Variants in LINGO2 observed in about 807,000 individuals in gnomAD.
The protein encoded by LINGO2 is leucine rich repeat and Ig domain containing 2, also known as leucine-rich repeat and immunoglobulin-like domain-containing nogo receptor-interacting protein 2.
In LINGO2, 14 loss-of-function variants were observed where a neutral mutation model predicts 30.6. The ratio of observed to expected loss-of-function variants is 0.46; its 90% CI spans 0.30 to 0.72. The LOEUF is 0.72. Among genes scored for constraint, LINGO2 ranks in the 30% least tolerant of loss-of-function variants. The pLI, the probability that LINGO2 is intolerant of heterozygous loss-of-function variation, is 0.07. For synonymous variants in LINGO2, 317 were observed against 288.5 expected, an observed-to-expected ratio of 1.10 and a Z score of -1.00; for missense variants, 729 against 751.7, an observed-to-expected ratio of 0.97 and a Z score of 0.35.
chr9:28,251,511 A>C (rs1822197820), intron 4 of LINGO2, among the ~76,000 whole-genome samples: 2 of 152,186 alleles, frequency 1.3e-5, no homozygotes, highest in Admixed American at 6.5e-5. Flanking sequence ...TTTATCCTGA[A>C]AACATGTATG....
chr9:28,990,491 T>G, the LINGO2 span, among the ~76,000 whole-genome samples: 5 of 152,178 alleles, frequency 3.3e-5, no homozygotes, highest in African/African-American at 1.2e-4. Context: ...CTGACAGCTT[T>G]GAAGAGAGCA....
intron 4 of LINGO2, among the ~76,000 whole-genome samples, chr9:28,107,889 C>G (rs1428142039): frequency 6.6e-6 from 1 of 152,130 alleles, no homozygotes; most frequent in East Asian, 1.9e-4. Context: ...TGCAACCTCC[C>G]TTACATGTAT....
chr9:28,386,887 C>T (rs1821601884), intron 2 of LINGO2, among the ~76,000 whole-genome samples: 1 of 152,112 alleles, frequency 6.6e-6, no homozygotes, highest in African/African-American at 2.4e-5. Context: ...ATTGTGTCTA[C>T]ATTATTTCTA....
chr9:28,793,527 T>G, the LINGO2 span, among the ~76,000 whole-genome samples: 1 of 152,198 alleles, frequency 6.6e-6, no homozygotes, highest in Non-Finnish European at 1.5e-5. Flanking sequence ...ATTCCTATAT[T>G]ACATAGCAGT....
chr9:28,679,179 G>A, the LINGO2 span, among the ~76,000 whole-genome samples: 1 of 151,944 alleles, frequency 6.6e-6, no homozygotes, highest in Non-Finnish European at 1.5e-5. Flanking sequence ...TTGGTTGTTA[G>A]TGAGTACAAA....
chr9:28,378,380 A>T (rs1821213562), intron 2 of LINGO2, among the ~76,000 whole-genome samples: 2 of 152,172 alleles, frequency 1.3e-5, no homozygotes, highest in South Asian at 4.1e-4. Flanking sequence ...TGAAACTCTT[A>T]AACTTGTGGT....
At chr9:28,622,987 T>C (rs1019597096) in intron 1 of LINGO2, among the ~76,000 whole-genome samples, 1 of 152,120 alleles carries the variant, frequency 6.6e-6, no homozygotes, top group Non-Finnish European at 1.5e-5. Context: ...TTGTATGTCT[T>C]ATTTTGAGAA....
chr9:28,279,124 C>T (rs1823232449), intron 4 of LINGO2, among the ~76,000 whole-genome samples: 1 of 152,158 alleles, frequency 6.6e-6, no homozygotes, highest in South Asian at 2.1e-4. Context: ...TTGCTACAAT[C>T]TCATGATCAA....
rs569485273 is a variant in LINGO2 at position 28,147,149 on chromosome 9, T to A, written c.-86-134744A>T. 1.3e-5 allele frequency among the ~76,000 whole-genome samples: 2 copies of A among 152,222 alleles called. No homozygotes were observed. Among genetic ancestry groups the A allele is most frequent in the African/African-American group, 2.4e-5 (1 of 41,534 alleles). ...TGAAGTGAAGACCTCCTTCGAGGTG[T>A]TCATGTGCTTATTACAGATATGCCA... On this transcript the variant is annotated intron_variant, in intron 4 of 5. Transcript: ENST00000379992. The surrounding 1 kb of genome is among the most constrained non-coding windows in gnomAD (Gnocchi z 4.7).
At chr9:28,186,250 C>T (rs1191594976) in intron 4 of LINGO2, among the ~76,000 whole-genome samples, 1 of 152,104 alleles carries the variant, frequency 6.6e-6, no homozygotes, top group Non-Finnish European at 1.5e-5. Flanking sequence ...TGAAGAGGCT[C>T]ATATTGCATG....
chr9:29,192,466 G>A, the LINGO2 span, among the ~76,000 whole-genome samples: 2 of 152,038 alleles, frequency 1.3e-5, no homozygotes, highest in African/African-American at 4.8e-5. Flanking sequence ...TTCCACAGAA[G>A]TATTGATGGC....
chr9:28,883,218 G>A, the LINGO2 span, among the ~76,000 whole-genome samples: 3 of 151,932 alleles, frequency 2.0e-5, no homozygotes, highest in Non-Finnish European at 4.4e-5. Flanking sequence ...ATTTAGAGAC[G>A]GAGTCTTGCT....
At chr9:28,075,794 A>G (rs781091440) in intron 4 of LINGO2, among the ~76,000 whole-genome samples, 16 of 151,806 alleles carry the variant, frequency 1.1e-4, no homozygotes, top group Non-Finnish European at 1.9e-4. Flanking sequence ...TATATGTTAC[A>G]CATACTAATT....
intron 4 of LINGO2, among the ~76,000 whole-genome samples, chr9:28,046,685 T>C (rs1021422100): frequency 5.3e-5 from 8 of 152,132 alleles, no homozygotes; most frequent in African/African-American, 1.9e-4. Context: ...AATGTCTTAT[T>C]TTAACCACAC....
chr9:27,951,129 T>C (rs927984450), intron 5 of LINGO2, among the ~76,000 whole-genome samples: 2 of 152,220 alleles, frequency 1.3e-5, no homozygotes, highest in African/African-American at 4.8e-5. Flanking sequence ...GCATCACTAA[T>C]GTTTAGGATA....
At chr9:28,790,748 G>T in the LINGO2 span, among the ~76,000 whole-genome samples, 1 of 151,996 alleles carries the variant, frequency 6.6e-6, no homozygotes, top group African/African-American at 2.4e-5. Flanking sequence ...ATAGTATATT[G>T]TTATAATAGT....
rs1483486591 is a variant in LINGO2 at position 28,009,356 on chromosome 9, A to T, written c.-36+2999T>A. On this transcript the variant is annotated intron_variant, in intron 5 of 5. Transcript: ENST00000379992. Reference sequence around the variant, plus strand: ...TTACAGTATCAAAAGCACAAGTGATAAAAAAAAAAAGATAAAATGGGCTCT... The same window carrying T: ...TTACAGTATCAAAAGCACAAGTGATTAAAAAAAAAAGATAAAATGGGCTCT... Among the ~76,000 whole-genome samples the T allele has an allele frequency of 5.8e-4, 4 of 6,918 alleles. No homozygotes were observed. In the East Asian group the frequency reaches 0.025, roughly 44 times the overall value. 4.5% of individuals were successfully genotyped at this position (6,918 alleles called of 152,430 possible). A position where few individuals can be genotyped will look rare whatever the true frequency, so the allele number is the denominator to read the frequency against.
At chr9:28,245,737 G>T (rs1176064655) in intron 4 of LINGO2, among the ~76,000 whole-genome samples, 1 of 113,876 alleles carries the variant, frequency 8.8e-6, no homozygotes, top group Admixed American at 8.3e-5. Flanking sequence ...AGCTAAGAAG[G>T]GATGTGGAGA....
At position 28,259,391 on chromosome 9, in the gene LINGO2, A is replaced by G. The variant is rs553575126; in HGVS notation, c.-87+35817T>C. Among the ~76,000 whole-genome samples the G allele has an allele frequency of 2.6e-5, 4 of 152,064 alleles. No homozygotes were observed. The South Asian group carries it at 6.2e-4, about 24-fold the overall frequency. On this transcript the variant is annotated intron_variant, in intron 4 of 5. Transcript: ENST00000379992. ...AGGAGGTACTGGAAGAAGGGCATGG[A>G]AATAGTTTCCTTTACCTCCTGGAGA...
Sources: allele counts gnomAD v4.1 joint callset (sites outside exome capture counted in the v4.1 genomes callset), GRCh38; gene constraint gnomAD v4.1.1; non-coding constraint Gnocchi (gnomAD v3.1); transcripts MANE v1.5; gene names NCBI Gene and HGNC (gene_info 2026-07-23, HGNC 2026-07-21).